FHOD3: variants seen among roughly 807,000 people sequenced by gnomAD.
FHOD3 encodes formin homology 2 domain containing 3, also known as FH1/FH2 domain-containing protein 3.
In FHOD3, 90 loss-of-function variants were observed where a neutral mutation model predicts 173.0. The observed-to-expected ratio is 0.52, with a 90% CI of 0.44 to 0.62. The LOEUF (loss-of-function observed/expected upper bound fraction) is 0.62. FHOD3 is among the 20% of genes least tolerant of loss of function. The pLI is 0.00. For synonymous variants in FHOD3, 828 were observed against 823.0 expected (o/e 1.01, Z -0.10); for missense variants, 1,945 against 2,034.7 (o/e 0.96, Z 0.85).
chr18:36,760,239 A>G (rs2042812575), intron 26 of FHOD3, among the ~76,000 whole-genome samples: 1 of 152,180 alleles, frequency 6.6e-6, no homozygotes, highest in African/African-American at 2.4e-5. Flanking sequence ...AACAAGGCAT[A>G]TTTCATTTCA....
intron 2 of FHOD3, among the ~76,000 whole-genome samples, chr18:36,360,252 A>G (rs1429343879): frequency 6.6e-6 from 1 of 152,182 alleles, no homozygotes; most frequent in Admixed American, 6.5e-5. Flanking sequence ...GAGAACCATG[A>G]TGTTTCAGGG....
chr18:36,549,251 T>C (rs2057538093), intron 5 of FHOD3, among the ~76,000 whole-genome samples: 1 of 152,240 alleles, frequency 6.6e-6, no homozygotes, highest in South Asian at 2.1e-4. Flanking sequence ...TTCAACTCTT[T>C]TTGCCAATTT....
At chr18:36,777,573 T>G (rs2043768792) in intron 28 of FHOD3, 1 of 152,198 alleles carries the variant, frequency 6.6e-6, no homozygotes, top group Non-Finnish European at 1.5e-5. Flanking sequence ...GAGAGATATT[T>G]TATCTTATTT....
In FHOD3 at chr18:36,425,288, T is replaced by C. The variant is rs182045024; in HGVS notation, c.337+52544T>C. Among the ~76,000 whole-genome samples, 6 of 152,336 alleles carry C rather than the reference T, an allele frequency of 3.9e-5. No individual in the cohort carries two copies. The East Asian group carries it at 1.2e-3, about 29-fold the overall frequency. ...TATACAAAAAATATAGTATACATAG[T>C]ATCCAAGGATTCAGGCATCTACTGG... On this transcript the variant is annotated intron_variant, in intron 3 of 28. Transcript: ENST00000590592.
At chr18:36,646,942 A>G (rs2035725116) in intron 10 of FHOD3, among the ~76,000 whole-genome samples, 1 of 152,266 alleles carries the variant, frequency 6.6e-6, no homozygotes, top group African/African-American at 2.4e-5. Flanking sequence ...AATGATATTA[A>G]AAACACTTCT....
chr18:36,710,237 G>A (rs932625309), intron 18 of FHOD3: 3 of 152,194 alleles, frequency 2.0e-5, no homozygotes, highest in African/African-American at 7.2e-5. Flanking sequence ...TCCTACCCAT[G>A]ACTTGTGTGC....
chr18:36,546,447 T>G (rs1435287460), intron 5 of FHOD3, among the ~76,000 whole-genome samples: 1 of 152,214 alleles, frequency 6.6e-6, no homozygotes, highest in Non-Finnish European at 1.5e-5. Context: ...TTTAGTTAGT[T>G]TAAGCTTTAG....
chr18:36,416,181 C>A (rs965292128), intron 3 of FHOD3, among the ~76,000 whole-genome samples: 3 of 152,100 alleles, frequency 2.0e-5, no homozygotes, highest in Non-Finnish European at 4.4e-5. Flanking sequence ...TATAGGCGTG[C>A]ACCATCACGC....
At chr18:36,443,767 T>C (rs2051291042) in intron 3 of FHOD3, among the ~76,000 whole-genome samples, 4 of 152,186 alleles carry the variant, frequency 2.6e-5, no homozygotes, top group Admixed American at 2.0e-4. Context: ...CTTTCCTGTC[T>C]CTATTAACAA....
chr18:36,720,692 CCCTCCTTCTCCTCCT>C (rs1440008138), intron 19 of FHOD3, among the ~76,000 whole-genome samples: 1 of 112,574 alleles, frequency 8.9e-6, no homozygotes, highest in Admixed American at 9.4e-5. Flanking sequence ...TTCCTCCTCC[CCCTCCTTCTCCTCCT>C]CCTCCTCCTT....
chr18:36,449,472 C>T (rs933706010), intron 3 of FHOD3, among the ~76,000 whole-genome samples: 8 of 152,128 alleles, frequency 5.3e-5, no homozygotes, highest in African/African-American at 1.9e-4. Context: ...TGCCTAATGT[C>T]TGAGAGACAG....
intron 4 of FHOD3, among the ~76,000 whole-genome samples, chr18:36,510,805 C>T (rs182316074): frequency 6.6e-6 from 1 of 152,190 alleles, no homozygotes; most frequent in African/African-American, 2.4e-5. Context: ...CTTCCAAAGC[C>T]ATGATTATCT....
chr18:36,646,364 T>C (rs992037777), intron 10 of FHOD3, among the ~76,000 whole-genome samples: 15 of 152,082 alleles, frequency 9.9e-5, no homozygotes, highest in Admixed American at 9.8e-4. Flanking sequence ...TTAAGAGAAA[T>C]TAAGATAGCA....
At chr18:36,446,854 C>T (rs536896343) in intron 3 of FHOD3, among the ~76,000 whole-genome samples, 1 of 152,218 alleles carries the variant, frequency 6.6e-6, no homozygotes, top group African/African-American at 2.4e-5. Context: ...ATCTATTTAT[C>T]TAGTGTCTGG....
intron 3 of FHOD3, among the ~76,000 whole-genome samples, chr18:36,453,515 T>G (rs2051987722): frequency 6.6e-6 from 1 of 152,252 alleles, no homozygotes; most frequent in Non-Finnish European, 1.5e-5. Flanking sequence ...CTCTGCGCAA[T>G]GCAGCCTCCA....
At chr18:36,490,848 A>G (rs966218384) in intron 3 of FHOD3, among the ~76,000 whole-genome samples, 5 of 152,202 alleles carry the variant, frequency 3.3e-5, no homozygotes, top group African/African-American at 1.2e-4. Context: ...GAAGGTAACA[A>G]AGAAGCATCT....
chr18:36,694,029 C>T (rs749588086), intron 17 of FHOD3, among the ~76,000 whole-genome samples: 8 of 152,140 alleles, frequency 5.3e-5, no homozygotes, highest in East Asian at 3.9e-4. Flanking sequence ...TGGAGAGGCG[C>T]GATGATATTG....
chr18:36,440,876 T>G (rs1568275363), intron 3 of FHOD3, among the ~76,000 whole-genome samples: 1 of 152,152 alleles, frequency 6.6e-6, no homozygotes, highest in African/African-American at 2.4e-5. Flanking sequence ...TTTTTCCTCT[T>G]GTATTTTAAA....
chr18:36,346,186 C>T lies in FHOD3; in HGVS notation c.166-9353C>T, dbSNP rs543952601. On this transcript the variant is annotated intron_variant, in intron 1 of 28. Transcript: ENST00000590592. ...TTCAAGACCAGCCTGGGCAACATGGCGAGGCCTTGTTTTTACTAAAAGTTA... is the reference window on the plus strand; with the variant it reads ...TTCAAGACCAGCCTGGGCAACATGGTGAGGCCTTGTTTTTACTAAAAGTTA... 3.9e-5 allele frequency among the ~76,000 whole-genome samples: 6 copies of T among 152,190 alleles called. No individual in the cohort carries two copies. In the East Asian group the frequency reaches 1.2e-3, roughly 29 times the overall value.
Sources: gnomAD v4.1 joint callset for allele counts (sites outside exome capture counted in the v4.1 genomes callset) on GRCh38, gnomAD v4.1.1 for gene constraint, MANE v1.5 for transcripts, NCBI Gene and HGNC (gene_info 2026-07-23, HGNC 2026-07-21) for gene names.